Variants in ALDH3A2 observed in about 807,000 individuals in gnomAD.
ALDH3A2 encodes aldehyde dehydrogenase 3 family member A2.
In ALDH3A2, 36 loss-of-function variants were observed where a neutral mutation model predicts 51.3. The observed-to-expected ratio is 0.70, with a 90% CI of 0.54 to 0.93. The LOEUF is 0.93. Among genes scored for constraint, ALDH3A2 ranks in the 40% least tolerant of loss-of-function variants. ALDH3A2 has a pLI of 0.00. For missense variants in ALDH3A2, 552 were observed against 603.1 expected (o/e 0.92, Z 0.89); for synonymous variants, 199 against 219.8 (o/e 0.91, Z 0.84).
At position 19,665,149 on chromosome 17, in the gene ALDH3A2, T is replaced by C. The variant is rs1306494647; in HGVS notation, c.1207+102T>C. 7 of 1,053,260 alleles carry C rather than the reference T, an allele frequency of 6.6e-6. No homozygotes were observed. The Admixed American group carries it at 1.1e-4, about 17-fold the overall frequency. The allele number at this position is 1,053,260 out of a possible 1,614,324, so 65.2% of individuals were successfully genotyped here. A position where few individuals can be genotyped will look rare whatever the true frequency, so the allele number is the denominator to read the frequency against. On this transcript the variant is annotated intron_variant, in intron 8 of 9. Transcript: ENST00000176643. ...TGAAATAGCCAGCTGTTGCGTACCC[T>C]GATTGTCCTCTCCTGAGGGAGACCT...
chr17:19,663,081 C>T (rs944389275), intron 6 of ALDH3A2, among the ~76,000 whole-genome samples: 1 of 152,046 alleles, frequency 6.6e-6, no homozygotes, highest in Non-Finnish European at 1.5e-5. Context: ...GAACAGGGTT[C>T]AATGTGAAAA....
intron 8 of ALDH3A2, among the ~76,000 whole-genome samples, chr17:19,668,242 T>C (rs1292003806): frequency 6.6e-6 from 1 of 152,156 alleles, no homozygotes; most frequent in African/African-American, 2.4e-5. Flanking sequence ...ATTTTATCTA[T>C]GATTTGAAGC....
At position 19,656,588 on chromosome 17, in the gene ALDH3A2, T is replaced by C; in HGVS notation, c.680+14T>C. 1 of 1,597,454 alleles carries C rather than the reference T, an allele frequency of 6.3e-7. No individual in the cohort carries two copies. Among genetic ancestry groups the C allele is most frequent in the East Asian group, 2.2e-5 (1 of 44,458 alleles). ...CATTGTTTGCAGGTGAGTCTGGCTC[T>C]CTGATTTTCTGAGGTTTTCCCAGCA... On this transcript the variant is annotated intron_variant, in intron 4 of 9. Coordinates refer to ENST00000176643, the MANE Select transcript of ALDH3A2 (RefSeq NM_000382.3).
chr17:19,663,880 G>C (rs1457766832), intron 7 of ALDH3A2, among the ~76,000 whole-genome samples: 3 of 152,228 alleles, frequency 2.0e-5, no homozygotes, highest in African/African-American at 7.2e-5. Context: ...CACACCCACT[G>C]TGTGGGACAA....
chr17:19,671,301 G>A (rs1424791468), intron 8 of ALDH3A2, among the ~76,000 whole-genome samples: 1 of 152,224 alleles, frequency 6.6e-6, no homozygotes, highest in Non-Finnish European at 1.5e-5. Flanking sequence ...TCCAGGTTCG[G>A]GTTCTGGCTT....
chr17:19,651,482 C>A lies in ALDH3A2; in HGVS notation c.154-65C>A, dbSNP rs559393342. 53 of 1,357,090 alleles carry A rather than the reference C, an allele frequency of 3.9e-5. No homozygotes were observed. The African/African-American group carries it at 7.2e-4, about 18-fold the overall frequency. 84.1% of individuals were successfully genotyped at this position (1,357,090 alleles called of 1,614,324 possible). On this transcript the variant is annotated intron_variant, in intron 1 of 9. Transcript: ENST00000176643. ...TACAGGTGTACCTGGTGTGAGTGTT[C>A]TGACATTCAGGGCCAAGTGTATCAT...
At chr17:19,662,966 T>C (rs1004908174) in intron 6 of ALDH3A2, among the ~76,000 whole-genome samples, 1 of 151,998 alleles carries the variant, frequency 6.6e-6, no homozygotes, top group Non-Finnish European at 1.5e-5. Flanking sequence ...GATGGCACCA[T>C]TGCACTCCAG....
At chr17:19,648,673 C>T (rs1449917692), upstream of ALDH3A2, 2 of 473,762 alleles carry the variant, frequency 4.2e-6, no homozygotes, top group Non-Finnish European at 3.8e-6. Flanking sequence ...AGGGCGGGGG[C>T]CGCGTGGGCG....
intron 3 of ALDH3A2, 175 bp from the exon 4 acceptor site, chr17:19,656,191 G>T: frequency 2.9e-6 from 2 of 686,760 alleles, no homozygotes; most frequent in South Asian, 1.6e-5. Context: ...GATGCCATCG[G>T]ACTGTGTGTT....
intron 3 of ALDH3A2, 83 bp from the exon 4 acceptor site, chr17:19,656,283 C>G: frequency 8.2e-7 from 1 of 1,226,098 alleles, no homozygotes; most frequent in South Asian, 1.3e-5. Context: ...CTGAATGTTA[C>G]ATGTTTATGT....
chr17:19,656,069 A>G, intron 3 of ALDH3A2: 1 of 417,666 alleles, frequency 2.4e-6, no homozygotes, highest in South Asian at 2.1e-5. Context: ...CGTCTCATGC[A>G]TTTTCCCTGG....
Position 19,654,797 on chromosome 17 carries a change from C to G in ALDH3A2, c.472-1569C>G, listed in dbSNP as rs558166123. Among the ~76,000 whole-genome samples, 118 of 152,266 alleles carry G rather than the reference C, an allele frequency of 7.7e-4. No individual in the cohort carries two copies. The highest frequency in any genetic ancestry group is 2.7e-3 in the African/African-American group (114 of 41,568). On this transcript the variant is annotated intron_variant, in intron 3 of 9. Transcript: ENST00000176643. The surrounding 1 kb of genome is among the most constrained non-coding windows in gnomAD (Gnocchi z 4.5). ...GCTGTGGGCTGAAGGGCTCCTCAAG[C>G]GTGGCGAGAGTGGGTGCCAAGGCCA...
intron 9 of ALDH3A2, chr17:19,673,380 A>AT: frequency 7.3e-7 from 1 of 1,372,174 alleles, no homozygotes; most frequent in Non-Finnish European, 9.6e-7. Flanking sequence ...TTTTGTTTTT[A>AT]TTTTTGTTTT....
chr17:19,660,179 A>T (rs2084948428), intron 5 of ALDH3A2, among the ~76,000 whole-genome samples: 1 of 152,168 alleles, frequency 6.6e-6, no homozygotes, highest in African/African-American at 2.4e-5. Flanking sequence ...TACTCTTAAC[A>T]CAGTGGTTCT....
At chr17:19,655,111 G>A (rs1312058490) in intron 3 of ALDH3A2, among the ~76,000 whole-genome samples, 12 of 152,206 alleles carry the variant, frequency 7.9e-5, no homozygotes, top group Non-Finnish European at 1.3e-4. Flanking sequence ...ATGATGCCGC[G>A]AAGAAATTGG....
intron 3 of ALDH3A2, chr17:19,656,126 A>G (rs1350248783): frequency 7.5e-6 from 4 of 531,718 alleles, no homozygotes; most frequent in Non-Finnish European, 1.4e-5. Flanking sequence ...TGCTGAGCTC[A>G]TGTAAAAAAA....
chr17:19,664,274 G>A (rs1227301857), intron 7 of ALDH3A2, among the ~76,000 whole-genome samples: 1 of 152,218 alleles, frequency 6.6e-6, no homozygotes, highest in African/African-American at 2.4e-5. Flanking sequence ...GAACCCTGAA[G>A]CCGAAAGTAG....
chr17:19,669,824 G>A (rs2085088298), intron 8 of ALDH3A2, among the ~76,000 whole-genome samples: 1 of 152,064 alleles, frequency 6.6e-6, no homozygotes, highest in South Asian at 2.1e-4. Flanking sequence ...TTTTTGTATA[G>A]AGGCGGGGTC....
upstream of ALDH3A2, chr17:19,648,609 C>A (rs767990006): frequency 3.3e-6 from 1 of 307,682 alleles, no homozygotes; most frequent in Non-Finnish European, 6.2e-6. Flanking sequence ...GCGCTCGGCT[C>A]CCGCACTGCT....
Sources: gnomAD v4.1 joint callset for allele counts (sites outside exome capture counted in the v4.1 genomes callset) on GRCh38, gnomAD v4.1.1 for gene constraint, Gnocchi (gnomAD v3.1) non-coding constraint, MANE v1.5 for transcripts, NCBI Gene and HGNC (gene_info 2026-07-23, HGNC 2026-07-21) for gene names.